MFAP3L: variants seen among roughly 807,000 people sequenced by gnomAD.
MFAP3L encodes the protein microfibrillar-associated protein 3-like.
A neutral mutation model predicts 20.0 loss-of-function variants in MFAP3L; 5 were observed. The observed-to-expected ratio is 0.25, with a 90% CI of 0.13 to 0.53. MFAP3L has a LOEUF of 0.53. Ranked by LOEUF, MFAP3L falls within the 20% of genes least tolerant of loss-of-function variation. The pLI, the probability that MFAP3L is intolerant of heterozygous loss-of-function variation, is 0.96. For synonymous variants in MFAP3L, 219 were observed against 213.0 expected (o/e 1.03, Z -0.25); for missense variants, 409 against 527.5 (o/e 0.78, Z 2.20).
Position 170,005,922 on chromosome 4 carries a change from C to T in MFAP3L, c.-45G>A. ...AGGCAATAGAGAGATGGTTTGCCAA[C>T]CGAATCTTCTATCAGACAACACACT... On this transcript the variant is annotated 5_prime_UTR_variant, in exon 2 of 3. Coordinates refer to ENST00000361618, the MANE Select transcript of MFAP3L (RefSeq NM_021647.8). 1.3e-6 allele frequency: 2 copies of T among 1,580,526 alleles called. No homozygotes were observed. The highest frequency in any genetic ancestry group is 3.5e-5 in the Admixed American group (2 of 57,276).
At chr4:170,022,236 AG>A (rs1740081080) in intron 1 of MFAP3L, among the ~76,000 whole-genome samples, 1 of 152,222 alleles carries the variant, frequency 6.6e-6, no homozygotes, top group Admixed American at 6.5e-5. Context: ...CCTGAATTAC[AG>A]CATGCTGGTT....
chr4:170,013,448 G>T (rs1321784533), intron 1 of MFAP3L, among the ~76,000 whole-genome samples: 3 of 152,046 alleles, frequency 2.0e-5, no homozygotes, highest in East Asian at 1.9e-4. Flanking sequence ...ATAAAAACAG[G>T]TCTACACATC....
chr4:169,996,929 T>A (rs1008161498), intron 2 of MFAP3L, among the ~76,000 whole-genome samples: 4 of 152,072 alleles, frequency 2.6e-5, no homozygotes, highest in Admixed American at 2.6e-4. Flanking sequence ...CCTCACACAT[T>A]TAGCCCAGTT....
In MFAP3L at chr4:169,987,699, T is replaced by C. The variant is rs1215212832; in HGVS notation, c.*3679A>G. The stretch of plus-strand genomic sequence containing the variant: ...GCATGCTGTTCCAAACATGCAAATG[T>C]CCTTTGTACCTGATTTTCTTCATGT... On this transcript the variant is annotated 3_prime_UTR_variant, in exon 3 of 3. Coordinates refer to ENST00000361618, the MANE Select transcript of MFAP3L (RefSeq NM_021647.8). 1 of 152,180 alleles carries C rather than the reference T, an allele frequency of 6.6e-6. No individual in the cohort carries two copies. Among genetic ancestry groups the C allele is most frequent in the Non-Finnish European group, 1.5e-5 (1 of 68,042 alleles). The allele number at this position is 152,180 out of a possible 1,614,324, so 9.4% of individuals were successfully genotyped here. A position where few individuals can be genotyped will look rare whatever the true frequency, so the allele number is the denominator to read the frequency against.
Position 169,988,782 on chromosome 4 carries a change from G to A in MFAP3L, c.*2596C>T, listed in dbSNP as rs1737455551. 6.6e-6 allele frequency: 1 copy of A among 152,188 alleles called. No homozygotes were observed. The highest frequency in any genetic ancestry group is 1.9e-4 in the East Asian group (1 of 5,204). The allele number at this position is 152,188 out of a possible 1,614,324, so 9.4% of individuals were successfully genotyped here. ...TTGTTATCAAAACCGAGAGCATTAT[G>A]ATGCCTTAAAGAGGGAGAAAGTTTT... On this transcript the variant is annotated 3_prime_UTR_variant, in exon 3 of 3. Transcript: ENST00000361618.
At chr4:170,014,082 A>T (rs1310694051) in intron 1 of MFAP3L, among the ~76,000 whole-genome samples, 2 of 152,200 alleles carry the variant, frequency 1.3e-5, no homozygotes, top group Non-Finnish European at 2.9e-5. Context: ...CACCGTCCTT[A>T]TTAGAGTCTA....
intron 2 of MFAP3L, chr4:169,994,338 T>C: frequency 1.0e-6 from 1 of 985,388 alleles, no homozygotes; most frequent in Non-Finnish European, 1.2e-6. Flanking sequence ...TCTGTAAATA[T>C]AAGGATAAAG....
chr4:170,002,280 C>G, intron 2 of MFAP3L: 1 of 984,278 alleles, frequency 1.0e-6, no homozygotes, highest in Non-Finnish European at 1.2e-6. Flanking sequence ...GCTGGCCACA[C>G]TCTGGTTGTG....
intron 1 of MFAP3L, among the ~76,000 whole-genome samples, chr4:170,023,066 C>T (rs2111082977): frequency 6.6e-6 from 1 of 152,286 alleles, no homozygotes; most frequent in South Asian, 2.1e-4. Context: ...AGTGTCTACT[C>T]TGCTTAGAAG....
In MFAP3L at chr4:169,989,605, T is replaced by C. The variant is rs1336408185; in HGVS notation, c.*1773A>G. 1 of 152,114 alleles carries C rather than the reference T, an allele frequency of 6.6e-6. No individual in the cohort carries two copies. Among genetic ancestry groups the C allele is most frequent in the African/African-American group, 2.4e-5 (1 of 41,382 alleles). 9.4% of individuals were successfully genotyped at this position (152,114 alleles called of 1,614,324 possible). On this transcript the variant is annotated 3_prime_UTR_variant, in exon 3 of 3. Transcript: ENST00000361618. ...CTGCATATTTTACAGATGAAAAAGATTAAATCCCAGAGAGAGGAAGGGAGT... is the reference window on the plus strand; with the variant it reads ...CTGCATATTTTACAGATGAAAAAGACTAAATCCCAGAGAGAGGAAGGGAGT...
chr4:170,023,250 C>T (rs1484397990), intron 1 of MFAP3L, among the ~76,000 whole-genome samples: 1 of 152,032 alleles, frequency 6.6e-6, no homozygotes, highest in Non-Finnish European at 1.5e-5. Context: ...TTTATTTGTC[C>T]TCAAGCATAT....
chr4:169,993,556 T>A (rs879793959), intron 2 of MFAP3L: 1 of 152,328 alleles, frequency 6.6e-6, no homozygotes, highest in African/African-American at 2.4e-5. Context: ...AGGGTTCCAA[T>A]GGACTACGGA....
chr4:170,022,128 C>T (rs1740075201), intron 1 of MFAP3L, among the ~76,000 whole-genome samples: 1 of 152,198 alleles, frequency 6.6e-6, no homozygotes, highest in Non-Finnish European at 1.5e-5. Flanking sequence ...TGACTTGCCT[C>T]TTCTGCTTTA....
At chr4:170,015,234 G>A (rs1263920231) in intron 1 of MFAP3L, among the ~76,000 whole-genome samples, 1 of 152,216 alleles carries the variant, frequency 6.6e-6, no homozygotes, top group African/African-American at 2.4e-5. Flanking sequence ...TTTACTAGGA[G>A]ATGACGCCTG....
rs939491612 is a variant in MFAP3L at position 169,987,629 on chromosome 4, G to T, written c.*3749C>A. 1.3e-5 allele frequency: 2 copies of T among 152,160 alleles called. No individual in the cohort carries two copies. The highest frequency in any genetic ancestry group is 2.9e-5 in the Non-Finnish European group (2 of 68,036). The allele number at this position is 152,160 out of a possible 1,614,324, so 9.4% of individuals were successfully genotyped here. A position where few individuals can be genotyped will look rare whatever the true frequency, so the allele number is the denominator to read the frequency against. On this transcript the variant is annotated 3_prime_UTR_variant, in exon 3 of 3. Transcript: ENST00000361618. Reference sequence around the variant, plus strand: ...ATTTCTTCCAGCAGCTGGAATTGGTGTTTCTACAGTCAAGTTAATTTGTGT... The same window carrying T: ...ATTTCTTCCAGCAGCTGGAATTGGTTTTTCTACAGTCAAGTTAATTTGTGT...
intron 2 of MFAP3L, among the ~76,000 whole-genome samples, chr4:170,000,187 C>A (rs1164434537): frequency 6.6e-6 from 1 of 152,174 alleles, no homozygotes; most frequent in African/African-American, 2.4e-5. Flanking sequence ...CCTTTGTATG[C>A]AGAAGTGATG....
intron 2 of MFAP3L, chr4:170,005,084 C>G (rs1490190517): frequency 6.3e-6 from 1 of 157,498 alleles, no homozygotes; most frequent in African/African-American, 2.4e-5. Flanking sequence ...CTGCCTCAGC[C>G]TAGAAACTGC....
At chr4:170,009,332 G>A (rs189236580) in intron 1 of MFAP3L, among the ~76,000 whole-genome samples, 128 of 148,084 alleles carry the variant, frequency 8.6e-4, no homozygotes, top group Admixed American at 5.1e-3. Context: ...ACAGTGAGCC[G>A]AGATGGCATC....
At chr4:169,996,999 A>AAATC in intron 2 of MFAP3L, among the ~76,000 whole-genome samples, 1 of 152,144 alleles carries the variant, frequency 6.6e-6, no homozygotes, top group East Asian at 1.9e-4. Flanking sequence ...AACTCTGATT[A>AAATC]AATCAGTGGA....
Sources: gnomAD v4.1 joint callset for allele counts (sites outside exome capture counted in the v4.1 genomes callset) on GRCh38, gnomAD v4.1.1 for gene constraint, MANE v1.5 for transcripts, NCBI Gene and HGNC (gene_info 2026-07-23, HGNC 2026-07-21) for gene names.